Variants in ZNF469 observed in about 807,000 individuals in gnomAD.
ZNF469 encodes zinc finger protein 469.
A neutral mutation model predicts 1.0 loss-of-function variants in ZNF469; 1 was observed. The ratio of observed to expected loss-of-function variants is 1.00; its 90% CI spans 0.35 to 4.73. ZNF469 has a LOEUF of 4.73. Among genes scored for constraint, ZNF469 ranks in the 30% most tolerant of loss-of-function variants. The pLI is 0.16. For missense variants in ZNF469, 6,100 were observed against 5,356.3 expected (o/e 1.14, Z -4.33); for synonymous variants, 2,703 against 2,363.4 (o/e 1.14, Z -4.17).
chr16:88,331,242 A>G, the ZNF469 span, among the ~76,000 whole-genome samples: 10 of 151,262 alleles, frequency 6.6e-5, no homozygotes, highest in East Asian at 1.6e-3. Flanking sequence ...CACCACCATC[A>G]CCATCGTCAC....
the ZNF469 span, among the ~76,000 whole-genome samples, chr16:88,241,222 C>T: frequency 2.0e-5 from 3 of 151,966 alleles, no homozygotes; most frequent in Non-Finnish European, 4.4e-5. This position sits in a 1 kb window ranked among gnomAD's most constrained non-coding sequence, Gnocchi z 4.8. Context: ...AGCTAAGTGT[C>T]ATGGCACGCA....
At chr16:88,334,358 G>T in the ZNF469 span, among the ~76,000 whole-genome samples, 1 of 152,142 alleles carries the variant, frequency 6.6e-6, no homozygotes. Context: ...GAAGTGTTTT[G>T]GTTTTGATTT....
At chr16:88,219,300 C>T in the ZNF469 span, among the ~76,000 whole-genome samples, 19 of 148,200 alleles carry the variant, frequency 1.3e-4, no homozygotes, top group South Asian at 2.2e-3. Context: ...AAAAAGAGCC[C>T]GCATTGCCAA....
the ZNF469 span, among the ~76,000 whole-genome samples, chr16:88,125,266 A>G: frequency 6.6e-6 from 1 of 152,204 alleles, no homozygotes; most frequent in Non-Finnish European, 1.5e-5. Flanking sequence ...GTTTTATACT[A>G]TATCTTAAGA....
chr16:88,176,477 T>C, the ZNF469 span, among the ~76,000 whole-genome samples: 87 of 152,132 alleles, frequency 5.7e-4, no homozygotes, highest in African/African-American at 1.9e-3. Flanking sequence ...CCAAGGAGCT[T>C]GGCCAGGCCA....
chr16:88,430,566 C>G lies in ZNF469; in HGVS notation c.3096C>G (p.Pro1032=), dbSNP rs886813967. The change falls in exon 3 of 3, where the codon CCC becomes CCG. Residue 1032 remains proline, a synonymous_variant. Coordinates refer to ENST00000565624, the MANE Select transcript of ZNF469 (RefSeq NM_001367624.2). ...GCTCCCGGCGCCGCCGGCTGCCCCCCAGGAAGGACCCCAGGAAGAGGAAGG... is the reference window on the plus strand; with the variant it reads ...GCTCCCGGCGCCGCCGGCTGCCCCCGAGGAAGGACCCCAGGAAGAGGAAGG... ...TRSSRRRRLP[P]RKDPRKRKAR... is the part of the protein sequence containing the mutation. The G allele has an allele frequency of 4.0e-6, 6 of 1,489,252 alleles. No homozygotes were observed. Among genetic ancestry groups the G allele is most frequent in the Non-Finnish European group, 3.6e-6 (4 of 1,126,354 alleles). 92.3% of individuals were successfully genotyped at this position (1,489,252 alleles called of 1,614,324 possible).
At chr16:88,291,836 G>A in the ZNF469 span, among the ~76,000 whole-genome samples, 1 of 152,136 alleles carries the variant, frequency 6.6e-6, no homozygotes, top group Non-Finnish European at 1.5e-5. Context: ...TCTGGGGAGA[G>A]AAGAACCACC....
At chr16:88,195,946 A>T in the ZNF469 span, among the ~76,000 whole-genome samples, 4 of 152,208 alleles carry the variant, frequency 2.6e-5, no homozygotes, top group Admixed American at 2.0e-4. Flanking sequence ...TCCCAAGATG[A>T]TTAACTTGGG....
In ZNF469 at chr16:88,434,962, C is replaced by T. The variant is rs1272221677; in HGVS notation, c.7492C>T (p.His2498Tyr). The change falls in exon 3 of 3, where the codon CAC (histidine) becomes TAC (tyrosine). Residue 2498 changes from histidine (H) to tyrosine (Y), a missense_variant. Coordinates refer to ENST00000565624, the MANE Select transcript of ZNF469 (RefSeq NM_001367624.2). Reference sequence around the variant, plus strand: ...GCACAAGGCCAGGAAGCACCGGCCACACCCGGGAGCCCCCGCGGAGCCGAG... The same window carrying T: ...GCACAAGGCCAGGAAGCACCGGCCATACCCGGGAGCCCCCGCGGAGCCGAG... ...SRHKARKHRP[H>Y]PGAPAEPSPA... 11 of 1,549,916 alleles carry T rather than the reference C, an allele frequency of 7.1e-6. No individual in the cohort carries two copies. The South Asian group carries it at 1.2e-4, about 17-fold the overall frequency.
the ZNF469 span, among the ~76,000 whole-genome samples, chr16:88,306,473 G>T: frequency 6.6e-6 from 1 of 152,218 alleles, no homozygotes; most frequent in Non-Finnish European, 1.5e-5. Flanking sequence ...GAGGCTCGGG[G>T]AGGCTGAGCT....
At chr16:88,180,542 C>T in the ZNF469 span, among the ~76,000 whole-genome samples, 3 of 152,034 alleles carry the variant, frequency 2.0e-5, no homozygotes, top group East Asian at 1.9e-4. Flanking sequence ...GAGGCCGAGG[C>T]GGGTGGATCA....
chr16:88,334,492 G>T, the ZNF469 span, among the ~76,000 whole-genome samples: 1 of 152,152 alleles, frequency 6.6e-6, no homozygotes, highest in Non-Finnish European at 1.5e-5. Context: ...AAACAATTTT[G>T]GGTTCTGGGG....
the ZNF469 span, among the ~76,000 whole-genome samples, chr16:88,248,168 G>T: frequency 2.0e-5 from 3 of 152,184 alleles, no homozygotes; most frequent in African/African-American, 7.2e-5. Context: ...GAGAGAAATA[G>T]AATTGGCCAT....
intron 1 of ZNF469, among the ~76,000 whole-genome samples, chr16:88,391,570 C>T (rs934456378): frequency 6.6e-6 from 1 of 152,262 alleles, no homozygotes; most frequent in Admixed American, 6.5e-5. Context: ...CCCACAGGCA[C>T]AGGCCCAATG....
Position 88,437,127 on chromosome 16 carries a change from G to T in ZNF469, c.9657G>T (p.Glu3219Asp). 3 of 1,548,466 alleles carry T rather than the reference G, an allele frequency of 1.9e-6. No homozygotes were observed. Among genetic ancestry groups the T allele is most frequent in the Non-Finnish European group, 2.6e-6 (3 of 1,146,594 alleles). The part of the protein sequence containing the change: ...RSLGDLPGGL[E>D]GSSAVAHLLN... ...TGGGGGACCTGCCCGGAGGCCTGGAGGGCAGCAGCGCTGTCGCCCACCTTC... is the reference window on the plus strand; with the variant it reads ...TGGGGGACCTGCCCGGAGGCCTGGATGGCAGCAGCGCTGTCGCCCACCTTC... Residue 3219 changes from glutamate to aspartate, a missense_variant, in exon 3 of 3, where the codon GAG (glutamate) becomes GAT (aspartate). Glu to Asp is a conservative substitution (Grantham distance 45). Transcript: ENST00000565624.
chr16:88,233,706 G>A, the ZNF469 span, among the ~76,000 whole-genome samples: 29,013 of 152,052 alleles, frequency 0.19, 3,008 homozygotes, highest in East Asian at 0.31. Context: ...TTTTGGGGCC[G>A]TGATGGGCTG....
chr16:88,278,652 AC>A, the ZNF469 span, among the ~76,000 whole-genome samples: 11 of 134,720 alleles, frequency 8.2e-5, 3 homozygotes, highest in Non-Finnish European at 1.7e-4. Context: ...GTGCTGCCTC[AC>A]GCCGATGCTC....
chr16:88,298,004 G>A, the ZNF469 span, among the ~76,000 whole-genome samples: 3 of 152,184 alleles, frequency 2.0e-5, no homozygotes, highest in South Asian at 2.1e-4. Context: ...AGGGCGAGTC[G>A]ATTCCTGCAA....
the ZNF469 span, among the ~76,000 whole-genome samples, chr16:88,345,186 A>G: frequency 2.0e-5 from 3 of 152,186 alleles, no homozygotes. Context: ...CACCCAGGCC[A>G]GATGCTCCAT....
Sources: gnomAD v4.1 joint callset for allele counts (sites outside exome capture counted in the v4.1 genomes callset) on GRCh38, gnomAD v4.1.1 for gene constraint, Gnocchi (gnomAD v3.1) non-coding constraint, MANE v1.5 for transcripts, NCBI Gene and HGNC (gene_info 2026-07-23, HGNC 2026-07-21) for gene names.